The following NALCN variants were observed in gnomAD, a reference collection of about 807,000 sequenced individuals.
NALCN encodes sodium leak channel NALCN.
NALCN carries 111 observed loss-of-function variants against 225.3 expected under a neutral mutation model. The ratio of observed to expected loss-of-function variants is 0.49; its 90% CI spans 0.42 to 0.58. The LOEUF (loss-of-function observed/expected upper bound fraction) is 0.58. Ranked by LOEUF, NALCN falls within the 20% of genes least tolerant of loss-of-function variation. The pLI is 0.00. For synonymous variants in NALCN, 764 were observed against 769.0 expected, an observed-to-expected ratio of 0.99 and a Z score of 0.11; for missense variants, 1,378 against 2,202.4, an observed-to-expected ratio of 0.63 and a Z score of 7.49.
At chr13:101,176,417 A>G in intron 14 of NALCN, 43 bp from the exon 15 acceptor site, 2 of 1,440,266 alleles carry the variant, frequency 1.4e-6, no homozygotes, top group Non-Finnish European at 1.9e-6. Flanking sequence ...CACATGCCAT[A>G]AGTATCAAAA....
intron 6 of NALCN, among the ~76,000 whole-genome samples, chr13:101,360,865 T>C (rs972867033): frequency 5.9e-5 from 9 of 152,202 alleles, no homozygotes; most frequent in Non-Finnish European, 1.3e-4. Context: ...ACAGGCATGC[T>C]ACCCTTGGGC....
intron 26 of NALCN, among the ~76,000 whole-genome samples, chr13:101,101,427 C>G (rs1485687076): frequency 6.6e-6 from 1 of 151,856 alleles, no homozygotes; most frequent in East Asian, 1.9e-4. Context: ...ACTACAGGCA[C>G]ACGCCACCAA....
intron 28 of NALCN, among the ~76,000 whole-genome samples, chr13:101,090,229 T>G (rs946528633): frequency 5.9e-5 from 9 of 152,192 alleles, no homozygotes; most frequent in Admixed American, 5.9e-4. Flanking sequence ...GTTCATTAGG[T>G]AATGATGGGG....
chr13:101,149,224 T>C (rs541037154), intron 15 of NALCN, among the ~76,000 whole-genome samples: 140 of 148,432 alleles, frequency 9.4e-4, no homozygotes, highest in East Asian at 8.3e-3. Context: ...ACCCGGGAGG[T>C]GGAGCTTACA....
rs1161618097 is a variant in NALCN, at chr13:101,054,151, A to C, written c.*1144T>G. The C allele has an allele frequency of 6.6e-6, 1 of 152,202 alleles. No homozygotes were observed. The highest frequency in any genetic ancestry group is 1.5e-5 in the Non-Finnish European group (1 of 68,036). The allele number at this position is 152,202 out of a possible 1,614,324, so 9.4% of individuals were successfully genotyped here. ...TGGCTGGCCCAGCACAAGAAATCTAACAGCACTTTGTAATCATTTTGCTTT... is the reference window on the plus strand; with the variant it reads ...TGGCTGGCCCAGCACAAGAAATCTACCAGCACTTTGTAATCATTTTGCTTT... On this transcript the variant is annotated 3_prime_UTR_variant, in exon 44 of 44. Transcript: ENST00000251127.
chr13:101,139,654 A>C (rs2036971620), intron 17 of NALCN, among the ~76,000 whole-genome samples: 1 of 151,708 alleles, frequency 6.6e-6, no homozygotes, highest in Admixed American at 6.6e-5. Context: ...CTTTACTGTG[A>C]CTAGGATTTC....
intron 22 of NALCN, among the ~76,000 whole-genome samples, chr13:101,106,729 G>T (rs554816724): frequency 6.6e-6 from 1 of 152,298 alleles, no homozygotes; most frequent in Admixed American, 6.5e-5. Flanking sequence ...CTGCTGCCAT[G>T]TAAGATGTGC....
chr13:101,054,332 G>A lies in NALCN; in HGVS notation c.*963C>T, dbSNP rs2139365968. 1 of 152,310 alleles carries A rather than the reference G, an allele frequency of 6.6e-6. No homozygotes were observed. Among genetic ancestry groups the A allele is most frequent in the African/African-American group, 2.4e-5 (1 of 41,570 alleles). The allele number at this position is 152,310 out of a possible 1,614,324, so 9.4% of individuals were successfully genotyped here. ...CATAGAAGATTCTTTTAACAGAGAT[G>A]TCATTTCAAATCTAACGTAGCAATG... On this transcript the variant is annotated 3_prime_UTR_variant, in exon 44 of 44. Coordinates refer to ENST00000251127, the MANE Select transcript of NALCN (RefSeq NM_052867.4).
chr13:101,374,201 A>G (rs2046618904), intron 6 of NALCN, among the ~76,000 whole-genome samples: 4 of 151,962 alleles, frequency 2.6e-5, no homozygotes, highest in African/African-American at 9.7e-5. Flanking sequence ...TTACTTCAAC[A>G]TAATACTATG....
chr13:101,227,946 G>C (rs1360137136), intron 13 of NALCN, among the ~76,000 whole-genome samples: 1 of 152,146 alleles, frequency 6.6e-6, no homozygotes, highest in Non-Finnish European at 1.5e-5. Context: ...CCAGCCATTG[G>C]AGTCACCTGT....
intron 10 of NALCN, among the ~76,000 whole-genome samples, chr13:101,270,138 C>T (rs185008065): frequency 5.3e-5 from 8 of 152,198 alleles, no homozygotes; most frequent in East Asian, 3.9e-4. Flanking sequence ...ACTAGTACTC[C>T]GCCAACCACA....
In NALCN at chr13:101,249,951, TA is replaced by T. The variant is rs565277135; in HGVS notation, c.1266+8491del. 5.9e-5 allele frequency among the ~76,000 whole-genome samples: 9 copies of T among 152,226 alleles called. No individual in the cohort carries two copies. In the South Asian group the frequency reaches 1.9e-3, roughly 32 times the overall value. On this transcript the variant is annotated intron_variant, in intron 11 of 43. Transcript: ENST00000251127. ...AATTAGACGTGGAAAGACAAAACCT[TA>T]ATTTCAGAAGATACAATTATCTACA...
chr13:101,124,605 T>A lies in NALCN; in HGVS notation c.2192+3A>T, dbSNP rs185358976. 1 of 1,612,734 alleles carries A rather than the reference T, an allele frequency of 6.2e-7. No individual in the cohort carries two copies. Among genetic ancestry groups the A allele is most frequent in the Non-Finnish European group, 8.5e-7 (1 of 1,179,036 alleles). The stretch of plus-strand genomic sequence containing the variant: ...AATATGTGTCAACATTAATTGGTGT[T>A]ACCTTAAGATTTTAGTGACTGCGGT... On this transcript the variant is annotated splice_donor_region_variant and intron_variant, in intron 18 of 43. Transcript: ENST00000251127.
intron 1 of NALCN, among the ~76,000 whole-genome samples, chr13:101,406,644 A>T (rs938862983): frequency 2.6e-5 from 4 of 152,192 alleles, no homozygotes; most frequent in African/African-American, 4.8e-5. Flanking sequence ...CTCACCACAC[A>T]CTTATAAAAA....
intron 13 of NALCN, among the ~76,000 whole-genome samples, chr13:101,222,417 C>T (rs73560724): frequency 0.01 from 1,576 of 152,182 alleles, 28 homozygotes; most frequent in African/African-American, 0.037. Flanking sequence ...CCCTCAATAC[C>T]GATTTTAGAT....
At chr13:101,119,019 A>G (rs1447593334) in intron 18 of NALCN, among the ~76,000 whole-genome samples, 2 of 152,212 alleles carry the variant, frequency 1.3e-5, no homozygotes, top group Non-Finnish European at 2.9e-5. Flanking sequence ...CTATGGAACA[A>G]TAATTATAAA....
intron 7 of NALCN, among the ~76,000 whole-genome samples, chr13:101,329,852 G>C (rs1279216939): frequency 6.6e-6 from 1 of 151,580 alleles, no homozygotes; most frequent in Non-Finnish European, 1.5e-5. Context: ...CAGCCTGGCC[G>C]AAATGGTGAA....
chr13:101,409,201 C>T (rs1336126517), intron 1 of NALCN, among the ~76,000 whole-genome samples: 1 of 152,106 alleles, frequency 6.6e-6, no homozygotes, highest in Non-Finnish European at 1.5e-5. Context: ...ACTGTCATTG[C>T]ACCTACATGC....
At chr13:101,387,268 C>T (rs987615327) in intron 3 of NALCN, among the ~76,000 whole-genome samples, 3 of 146,556 alleles carry the variant, frequency 2.0e-5, no homozygotes, top group African/African-American at 7.6e-5. Flanking sequence ...GTTAGCATTT[C>T]GCAAATCACT....
Sources: gnomAD v4.1 joint callset for allele counts (sites outside exome capture counted in the v4.1 genomes callset) on GRCh38, gnomAD v4.1.1 for gene constraint, MANE v1.5 for transcripts, NCBI Gene and HGNC (gene_info 2026-07-23, HGNC 2026-07-21) for gene names.